Variants in DISP1 observed in about 807,000 individuals in gnomAD.
DISP1 encodes the protein dispatched RND transporter family member 1.
In DISP1, 30 loss-of-function variants were observed where a neutral mutation model predicts 37.3. The observed-to-expected ratio is 0.80, with a 90% confidence interval of 0.60 to 1.09. The LOEUF is 1.09. Among genes scored for constraint, DISP1 ranks in the 50% least tolerant of loss-of-function variants. DISP1 has a pLI of 0.00. For missense variants in DISP1, 1,598 were observed against 1,879.5 expected, an observed-to-expected ratio of 0.85 and a Z score of 2.77; for synonymous variants, 634 against 690.2, an observed-to-expected ratio of 0.92 and a Z score of 1.28.
At chr1:222,960,119 A>T (rs1675943299) in intron 3 of DISP1, among the ~76,000 whole-genome samples, 1 of 152,214 alleles carries the variant, frequency 6.6e-6, no homozygotes, top group Non-Finnish European at 1.5e-5. Flanking sequence ...CTCTGGATCA[A>T]GTGGACCTAT....
At chr1:222,954,422 G>A (rs1418696870) in intron 3 of DISP1, among the ~76,000 whole-genome samples, 2 of 152,134 alleles carry the variant, frequency 1.3e-5, no homozygotes, top group South Asian at 4.1e-4. Context: ...CCCATTCACA[G>A]TTCAATAAAT....
chr1:222,933,672 G>T lies in DISP1; in HGVS notation c.-18+5102G>T, dbSNP rs1673538919. Among the ~76,000 whole-genome samples, 3 of 152,034 alleles carry T rather than the reference G, an allele frequency of 2.0e-5. No homozygotes were observed. The South Asian group carries it at 6.2e-4, about 32-fold the overall frequency. ...GAATTAACACCTTATTTTTGTATAG[G>T]CCTTTGCAATATATAAAATGTTTAC... On this transcript the variant is annotated intron_variant, in intron 2 of 8. Coordinates refer to ENST00000675850, the MANE Select transcript of DISP1 (RefSeq NM_001377229.1).
intron 1 of DISP1, among the ~76,000 whole-genome samples, chr1:222,833,619 T>G (rs946978208): frequency 1.3e-5 from 2 of 152,206 alleles, no homozygotes; most frequent in Non-Finnish European, 2.9e-5. Context: ...TTAATTGCTT[T>G]CCTCCTATGA....
chr1:222,898,106 AG>A (rs1331569055), intron 1 of DISP1, among the ~76,000 whole-genome samples: 2 of 152,116 alleles, frequency 1.3e-5, no homozygotes, highest in Non-Finnish European at 2.9e-5. Flanking sequence ...TTATCTGTAA[AG>A]TTTTGGTCAG....
intron 2 of DISP1, among the ~76,000 whole-genome samples, chr1:222,938,461 A>G (rs1329632853): frequency 6.6e-6 from 1 of 151,768 alleles, no homozygotes; most frequent in Middle Eastern, 3.2e-3. Flanking sequence ...GAGGCTGGGC[A>G]TGGTGGCTCA....
chr1:222,819,903 T>C (rs977038405), intron 1 of DISP1, among the ~76,000 whole-genome samples: 23 of 152,220 alleles, frequency 1.5e-4, no homozygotes, highest in Admixed American at 1.5e-3. Flanking sequence ...TTTGTAACTA[T>C]ATTTTTAAAG....
intron 1 of DISP1, among the ~76,000 whole-genome samples, chr1:222,894,210 A>G (rs1572446251): frequency 6.6e-6 from 1 of 152,164 alleles, no homozygotes. Flanking sequence ...CCCGGTCCCC[A>G]GGCTTCAGGC....
In DISP1 at chr1:222,931,286, GT is replaced by G. The variant is rs796685873; in HGVS notation, c.-18+2728del. On this transcript the variant is annotated intron_variant, in intron 2 of 8. Coordinates refer to ENST00000675850, the MANE Select transcript of DISP1 (RefSeq NM_001377229.1). ...TCTTAGTTTGATTTACCTCAGTGAT[GT>G]TTTTTTTTTTTCCTTTGGGCTGCTA... Among the ~76,000 whole-genome samples the G allele has an allele frequency of 7.5e-4, 108 of 143,744 alleles. No homozygotes were observed. In the East Asian group the frequency reaches 7.6e-3, roughly 10 times the overall value. The allele number at this position is 143,744 out of a possible 152,430, so 94.3% of individuals were successfully genotyped here.
chr1:222,970,644 A>C (rs1461429118), intron 3 of DISP1, among the ~76,000 whole-genome samples: 1 of 152,188 alleles, frequency 6.6e-6, no homozygotes, highest in African/African-American at 2.4e-5. Flanking sequence ...CCTTAGAAAT[A>C]ATTTAATCTA....
intron 1 of DISP1, among the ~76,000 whole-genome samples, chr1:222,832,211 C>T (rs1419932083): frequency 1.3e-5 from 2 of 152,092 alleles, no homozygotes; most frequent in Non-Finnish European, 2.9e-5. Flanking sequence ...GCGGAGGTTG[C>T]AGTGAGCCGA....
At position 222,819,880 on chromosome 1, in the gene DISP1, AT is replaced by A. The variant is rs75976907; in HGVS notation, c.-159+4811del. ...ATATTTTTAATTTAAGGTGTTTAAA[AT>A]TTTTTTTTAATTTTGTAACTATATT... On this transcript the variant is annotated intron_variant, in intron 1 of 8. Coordinates refer to ENST00000675850, the MANE Select transcript of DISP1 (RefSeq NM_001377229.1). Among the ~76,000 whole-genome samples, 7 of 151,718 alleles carry A rather than the reference AT, an allele frequency of 4.6e-5. No homozygotes were observed. The South Asian group carries it at 8.3e-4, about 18-fold the overall frequency.
intron 1 of DISP1, chr1:222,827,297 C>T (rs967039542): frequency 1.3e-5 from 2 of 152,144 alleles, no homozygotes; most frequent in African/African-American, 4.8e-5. Context: ...ATTCTGGAAA[C>T]ATCCTGTGTT....
intron 1 of DISP1, among the ~76,000 whole-genome samples, chr1:222,846,933 A>G (rs773980358): frequency 3.1e-4 from 47 of 152,234 alleles, no homozygotes; most frequent in Non-Finnish European, 6.0e-4. Context: ...TAGCTTCTCA[A>G]CAGTATTTAA....
chr1:222,881,486 G>A (rs912546063), intron 1 of DISP1, among the ~76,000 whole-genome samples: 5 of 152,160 alleles, frequency 3.3e-5, no homozygotes, highest in African/African-American at 1.2e-4. Context: ...ATGAGCCACC[G>A]CCGCTGGCCT....
intron 1 of DISP1, among the ~76,000 whole-genome samples, chr1:222,906,707 C>T (rs1446564299): frequency 6.6e-6 from 1 of 152,226 alleles, no homozygotes; most frequent in Non-Finnish European, 1.5e-5. Flanking sequence ...AATAATCCAC[C>T]CCTTGTTTCA....
intron 1 of DISP1, among the ~76,000 whole-genome samples, chr1:222,836,615 G>C (rs1667106085): frequency 1.3e-5 from 2 of 151,996 alleles, no homozygotes; most frequent in African/African-American, 4.8e-5. Flanking sequence ...TGTAAAATGA[G>C]ACAGTTAGAA....
intron 2 of DISP1, among the ~76,000 whole-genome samples, chr1:222,936,808 ATAAAT>A (rs1216523658): frequency 5.3e-5 from 2 of 37,720 alleles, no homozygotes; most frequent in African/African-American, 1.6e-4. Context: ...TATTATATAT[ATAAAT>A]TATATATAAT....
chr1:222,852,575 C>T (rs990872274), intron 1 of DISP1, among the ~76,000 whole-genome samples: 10 of 152,172 alleles, frequency 6.6e-5, no homozygotes, highest in African/African-American at 2.2e-4. Flanking sequence ...AAATGTAGAA[C>T]TCCTCTAAGA....
chr1:222,933,971 T>C (rs977773849), intron 2 of DISP1, among the ~76,000 whole-genome samples: 1 of 152,068 alleles, frequency 6.6e-6, no homozygotes, highest in African/African-American at 2.4e-5. Flanking sequence ...TTTTTTAAGT[T>C]TGCATAATAT....
Sources: allele counts gnomAD v4.1 joint callset (sites outside exome capture counted in the v4.1 genomes callset), GRCh38; gene constraint gnomAD v4.1.1; transcripts MANE v1.5; gene names NCBI Gene and HGNC (gene_info 2026-07-23, HGNC 2026-07-21).